The following CALD1 variants were observed in gnomAD, a reference collection of about 807,000 sequenced individuals.
The protein encoded by CALD1 is caldesmon 1.
Under a neutral mutation model 99.9 loss-of-function variants are expected in CALD1, and 33 were observed. That is an observed-to-expected ratio of 0.33 (90% CI 0.25 to 0.44). The LOEUF is 0.44. Ranked by LOEUF, CALD1 falls within the 20% of genes least tolerant of loss-of-function variation. The pLI, the probability that CALD1 is intolerant of heterozygous loss-of-function variation, is 1.00. For missense variants in CALD1, 861 were observed against 962.1 expected (o/e 0.89, Z 1.39); for synonymous variants, 310 against 325.0 (o/e 0.95, Z 0.50).
chr7:134,925,466 T>C (rs1244940746), intron 3 of CALD1, among the ~76,000 whole-genome samples: 1 of 152,156 alleles, frequency 6.6e-6, no homozygotes, highest in African/African-American at 2.4e-5. Flanking sequence ...CGTAAAGAAC[T>C]GCCCAAGATG....
In CALD1 at chr7:134,933,493, G is replaced by A. The variant is rs1289733473; in HGVS notation, c.724G>A (p.Glu242Lys). 7 of 1,613,910 alleles carry A rather than the reference G, an allele frequency of 4.3e-6. No homozygotes were observed. Among genetic ancestry groups the A allele is most frequent in the South Asian group, 3.3e-5 (3 of 91,056 alleles). Residue 242 changes from glutamate to lysine, a missense_variant, in exon 5 of 15, where the codon GAG (glutamate) becomes AAG (lysine). Around this residue, in one of 5 missense-constraint regions of CALD1, gnomAD observed 234 missense variants for 233.1 expected, o/e 1.00. Transcript: ENST00000361675. ...QISSEEPKQE[E>K]EREQGSDEIS... Reference sequence around the variant, plus strand: ...CAGTTCAGAAGAGCCTAAACAAGAGGAGGAGAGGGAACAAGGTTCAGATGA... The same window carrying A: ...CAGTTCAGAAGAGCCTAAACAAGAGAAGGAGAGGGAACAAGGTTCAGATGA...
At chr7:134,931,907 G>C (rs1805549499) in intron 4 of CALD1, among the ~76,000 whole-genome samples, 1 of 152,194 alleles carries the variant, frequency 6.6e-6, no homozygotes, top group Admixed American at 6.5e-5. Flanking sequence ...AACGCTGGCT[G>C]CTATAACGAT....
intron 1 of CALD1, chr7:134,822,058 AG>A (rs1366010311): frequency 1.3e-5 from 2 of 152,312 alleles, no homozygotes; most frequent in Non-Finnish European, 2.9e-5. Flanking sequence ...AGAAACTTAT[AG>A]GGGTAAGTCT....
intron 1 of CALD1, among the ~76,000 whole-genome samples, chr7:134,808,916 A>T (rs900582096): frequency 6.6e-6 from 1 of 152,228 alleles, no homozygotes; most frequent in Non-Finnish European, 1.5e-5. Context: ...CATTGGTGAC[A>T]ATGCTGAGCC....
In CALD1 at chr7:134,964,664, G is replaced by T. The variant is rs151062055; in HGVS notation, c.2296-642G>T. The stretch of plus-strand genomic sequence containing the variant: ...GCACTAAAGTAGTAAGGGCTGGGGG[G>T]AAAGAGGTGAGTACAAATTGAGTTC... On this transcript the variant is annotated intron_variant, in intron 13 of 14. Transcript: ENST00000361675. Among the ~76,000 whole-genome samples the T allele has an allele frequency of 4.1e-3, 628 of 152,240 alleles. 5 individuals are homozygous for T. Among genetic ancestry groups the T allele is most frequent in the African/African-American group, 0.014 (597 of 41,546 alleles).
chr7:134,870,745 TCG>T (rs1190404708), intron 3 of CALD1, among the ~76,000 whole-genome samples: 1 of 151,662 alleles, frequency 6.6e-6, no homozygotes, highest in African/African-American at 2.4e-5. Context: ...TCTCTCTCTC[TCG>T]CTCTTTCTTT....
intron 1 of CALD1, among the ~76,000 whole-genome samples, chr7:134,829,971 C>A (rs568384800): frequency 6.6e-6 from 1 of 152,024 alleles, no homozygotes; most frequent in East Asian, 1.9e-4. Flanking sequence ...TGAAATGATT[C>A]CCAAGTCCGG....
rs771601905 is a variant in CALD1 at position 134,933,074 on chromosome 7, G to A, written c.305G>A (p.Arg102Gln). ...GCCGCATTCCTGGAGCGCCTGGCTC[G>A]GCGTGAGGAAAGACGCCAAAAACGC... is the stretch of plus-strand genomic sequence containing the variant. The part of the protein sequence containing the change: ...DEAAFLERLA[R>Q]REERRQKRLQ... The change falls in exon 5 of 15, where the codon CGG becomes CAG. Residue 102 changes from arginine (R) to glutamine (Q), a missense_variant. Physicochemically the swap from Arg to Gln is conservative, Grantham distance 43. Transcript: ENST00000361675. 23 of 1,613,894 alleles carry A rather than the reference G, an allele frequency of 1.4e-5. No individual in the cohort carries two copies. The highest frequency in any genetic ancestry group is 3.3e-5 in the Admixed American group (2 of 59,980).
the CALD1 span, among the ~76,000 whole-genome samples, chr7:134,727,620 A>C: frequency 6.6e-6 from 1 of 152,214 alleles, no homozygotes; most frequent in Non-Finnish European, 1.5e-5. Flanking sequence ...CCTGGTTAAC[A>C]TCAGGTTACT....
the CALD1 span, among the ~76,000 whole-genome samples, chr7:134,724,804 G>A: frequency 6.6e-6 from 1 of 152,172 alleles, no homozygotes; most frequent in Non-Finnish European, 1.5e-5. Context: ...TCCTCCAGGG[G>A]GAGCTCCATA....
intron 6 of CALD1, among the ~76,000 whole-genome samples, 164 bp from the exon 7 acceptor site, chr7:134,940,928 T>C (rs59795193): frequency 0.045 from 6,787 of 152,292 alleles, 477 homozygotes; most frequent in African/African-American, 0.15. Flanking sequence ...GGACCATAGC[T>C]CATTCTCTAA....
intron 3 of CALD1, among the ~76,000 whole-genome samples, chr7:134,895,822 T>G (rs1802533896): frequency 6.6e-6 from 1 of 152,220 alleles, no homozygotes; most frequent in South Asian, 2.1e-4. Flanking sequence ...TTTTAATTCT[T>G]GATTTCAAAG....
intron 1 of CALD1, among the ~76,000 whole-genome samples, chr7:134,769,214 G>A (rs181834578): frequency 6.6e-6 from 1 of 152,160 alleles, no homozygotes; most frequent in Admixed American, 6.5e-5. Flanking sequence ...ATGCTCGAAT[G>A]AGCTTCCTTT....
At chr7:134,953,277 G>C (rs985152733) in intron 9 of CALD1, among the ~76,000 whole-genome samples, 1 of 152,100 alleles carries the variant, frequency 6.6e-6, no homozygotes, top group African/African-American at 2.4e-5. Context: ...TCAGGAGTTT[G>C]AAACCAACCT....
chr7:134,769,031 C>G (rs1219395619), intron 1 of CALD1, among the ~76,000 whole-genome samples: 1 of 151,420 alleles, frequency 6.6e-6, no homozygotes, highest in Non-Finnish European at 1.5e-5. Flanking sequence ...ATGTATAATA[C>G]CCCATCCTAT....
the CALD1 span, among the ~76,000 whole-genome samples, chr7:134,725,725 T>A: frequency 2.6e-5 from 4 of 152,242 alleles, no homozygotes; most frequent in African/African-American, 9.6e-5. Context: ...ACTGATGTGA[T>A]TACCTTAAGG....
chr7:134,891,100 C>G (rs1192157995), intron 3 of CALD1, among the ~76,000 whole-genome samples: 1 of 152,260 alleles, frequency 6.6e-6, no homozygotes, highest in African/African-American at 2.4e-5. Flanking sequence ...TTGATCTTGT[C>G]AGAATTAGGT....
At chr7:134,862,948 C>G (rs1800624907) in intron 2 of CALD1, among the ~76,000 whole-genome samples, 1 of 152,096 alleles carries the variant, frequency 6.6e-6, no homozygotes, top group Non-Finnish European at 1.5e-5. Flanking sequence ...AAGGGTTTGT[C>G]CCATTTCTCT....
intron 1 of CALD1, among the ~76,000 whole-genome samples, chr7:134,826,323 C>T (rs1191253860): frequency 6.6e-6 from 1 of 152,168 alleles, no homozygotes; most frequent in Admixed American, 6.5e-5. Context: ...TTCTGTTCTG[C>T]TGATGTTGCT....
Sources: gnomAD v4.1 joint callset for allele counts (sites outside exome capture counted in the v4.1 genomes callset) on GRCh38, gnomAD v4.1.1 for gene constraint, gnomAD v4.1.1 regional missense constraint, MANE v1.5 for transcripts, NCBI Gene and HGNC (gene_info 2026-07-23, HGNC 2026-07-21) for gene names.